Variants in CAVIN1 observed in about 807,000 individuals in gnomAD.
The protein encoded by CAVIN1 is caveolae-associated protein 1.
Under a neutral mutation model 24.0 loss-of-function variants are expected in CAVIN1, and 16 were observed. That is an observed-to-expected ratio of 0.67 (90% CI 0.45 to 1.01). The LOEUF is 1.01. CAVIN1 is among the 50% of genes least tolerant of loss of function. The pLI, the probability that CAVIN1 is intolerant of heterozygous loss-of-function variation, is 0.00. For missense variants in CAVIN1, 510 were observed against 551.7 expected (o/e 0.92, Z 0.76); for synonymous variants, 256 against 256.4 (o/e 1.00, Z 0.02).
At chr17:42,407,026 G>A (rs988599521) in intron 1 of CAVIN1, among the ~76,000 whole-genome samples, 1 of 152,050 alleles carries the variant, frequency 6.6e-6, no homozygotes, top group Admixed American at 6.6e-5. Context: ...CTGGAGCTCA[G>A]AACCAGTTCT....
intron 1 of CAVIN1, 132 bp downstream of exon 1, chr17:42,422,495 T>C: frequency 1.5e-5 from 2 of 131,372 alleles, no homozygotes; most frequent in Admixed American, 1.3e-4. Flanking sequence ...GGAAGGAGGG[T>C]GGATCTGCCG....
At chr17:42,414,677 G>A (rs1281354815) in intron 1 of CAVIN1, among the ~76,000 whole-genome samples, 2 of 152,236 alleles carry the variant, frequency 1.3e-5, no homozygotes, top group South Asian at 4.1e-4. Flanking sequence ...GATGCCAGGC[G>A]AGAGGGACAC....
At chr17:42,414,939 C>A (rs2085503013) in intron 1 of CAVIN1, among the ~76,000 whole-genome samples, 1 of 126,754 alleles carries the variant, frequency 7.9e-6, no homozygotes, top group Non-Finnish European at 1.7e-5. Context: ...CCCCTCCTTT[C>A]CCCCACTTTT....
chr17:42,413,541 A>G (rs1005615808), intron 1 of CAVIN1, among the ~76,000 whole-genome samples: 8 of 137,190 alleles, frequency 5.8e-5, no homozygotes, highest in African/African-American at 2.2e-4. Flanking sequence ...CCTGGGCGAC[A>G]GAGCAAAAGT....
rs375343738 is a variant in CAVIN1 at position 42,409,714 on chromosome 17, C to T, written c.472-4326G>A. 3.7e-4 allele frequency among the ~76,000 whole-genome samples: 56 copies of T among 152,170 alleles called. 1 individual carries two copies. The highest frequency in any genetic ancestry group is 1.3e-3 in the African/African-American group (53 of 41,520). On this transcript the variant is annotated intron_variant, in intron 1 of 1. Transcript: ENST00000357037. ...CATCTGCTTGCTGGTACAACCACCA[C>T]AAACACAATCCAAAATCATCTCCCT...
At chr17:42,408,771 C>G (rs7502611) in intron 1 of CAVIN1, among the ~76,000 whole-genome samples, 124,310 of 146,886 alleles carry the variant, frequency 0.85, 53,505 homozygotes, top group East Asian at 0.99. Flanking sequence ...GATTACAAGC[C>G]TAAGCCACCG....
In CAVIN1 at chr17:42,422,964, T is replaced by A. The variant is rs1172377363; in HGVS notation, c.134A>T (p.Lys45Met). 3.1e-6 allele frequency: 5 copies of A among 1,613,818 alleles called. No homozygotes were observed. The highest frequency in any genetic ancestry group is 4.2e-6 in the Non-Finnish European group (5 of 1,179,994). ...CAGCACGCCGTTCACCTGGTCCGAC[T>A]TGATCAGCTCTTCTGAGCCGGCCCC... Reference protein sequence around the residue: ...PSGAGSEELIKSDQVNGVLVL... With the variant: ...PSGAGSEELIMSDQVNGVLVL... Residue 45 changes from lysine to methionine, a missense_variant, in exon 1 of 2, where the codon AAG becomes ATG. Physicochemically the swap from Lys to Met is moderately conservative, Grantham distance 95. Coordinates refer to ENST00000357037, the MANE Select transcript of CAVIN1 (RefSeq NM_012232.6).
intron 1 of CAVIN1, chr17:42,411,375 C>CCAACCCCAT: frequency 1.1e-6 from 1 of 938,598 alleles, no homozygotes. Flanking sequence ...GCAACACAGT[C>CCAACCCCAT]CAACCCCATC....
At position 42,422,653 on chromosome 17, in the gene CAVIN1, G is replaced by C. The variant is rs2085559612; in HGVS notation, c.445C>G (p.Arg149Gly). Residue 149 changes from arginine to glycine, a missense_variant, in exon 1 of 2, where the codon CGC becomes GGC. Arg to Gly is a moderately radical substitution (Grantham distance 125). Coordinates refer to ENST00000357037, the MANE Select transcript of CAVIN1 (RefSeq NM_012232.6). ...EVNEAELLRR[R>G]NFKVMIYQDE... The stretch of plus-strand genomic sequence containing the variant: ...TGGTAGATCATGACTTTAAAGTTGC[G>C]GCGCCGCAGCAGCTCGGCCTCGTTG... 2 of 1,593,262 alleles carry C rather than the reference G, an allele frequency of 1.3e-6. No individual in the cohort carries two copies. Among genetic ancestry groups the C allele is most frequent in the Non-Finnish European group, 1.7e-6 (2 of 1,170,356 alleles).
At chr17:42,412,682 A>T (rs965471018) in intron 1 of CAVIN1, among the ~76,000 whole-genome samples, 1 of 151,580 alleles carries the variant, frequency 6.6e-6, no homozygotes, top group African/African-American at 2.4e-5. Context: ...CAGTGGCACG[A>T]TCTTGGCTCA....
intron 1 of CAVIN1, among the ~76,000 whole-genome samples, chr17:42,412,560 A>ATTTTTTTT (rs60982549): frequency 4.5e-4 from 56 of 125,716 alleles, no homozygotes; most frequent in African/African-American, 1.6e-3. Flanking sequence ...AACCCGGCTA[A>ATTTTTTTT]TTTTTTTTTT....
chr17:42,404,698 C>G lies in CAVIN1; in HGVS notation c.1162G>C (p.Asp388His). ...ESDAVLVDKS[D>H]SD is the part of the protein sequence containing the mutation. ...GCAGCGGGGGCGGCTCAGTCGCTGT[C>G]GCTCTTGTCCACCAGCACGGCGTCC... is the stretch of plus-strand genomic sequence containing the variant. Residue 388 changes from aspartate to histidine, a missense_variant, in exon 2 of 2, where the codon GAC becomes CAC. Physicochemically the swap from Asp to His is moderately conservative, Grantham distance 81. Coordinates refer to ENST00000357037, the MANE Select transcript of CAVIN1 (RefSeq NM_012232.6). 1.4e-6 allele frequency: 2 copies of G among 1,471,576 alleles called. No individual in the cohort carries two copies. Among genetic ancestry groups the G allele is most frequent in the Admixed American group, 2.7e-5 (1 of 37,272 alleles). The allele number at this position is 1,471,576 out of a possible 1,614,324, so 91.2% of individuals were successfully genotyped here. A position where few individuals can be genotyped will look rare whatever the true frequency, so the allele number is the denominator to read the frequency against.
Position 42,404,384 on chromosome 17 carries a change from G to A in CAVIN1, c.*303C>T, listed in dbSNP as rs1479382995. On this transcript the variant is annotated 3_prime_UTR_variant, in exon 2 of 2. Coordinates refer to ENST00000357037, the MANE Select transcript of CAVIN1 (RefSeq NM_012232.6). ...GGCTGAGGGGAAGGCAGCCCCCCCAGGGGGGCCTAACCGTGGAATCACTGC... is the reference window on the plus strand; with the variant it reads ...GGCTGAGGGGAAGGCAGCCCCCCCAAGGGGGCCTAACCGTGGAATCACTGC... 1.6e-5 allele frequency: 4 copies of A among 257,098 alleles called. No individual in the cohort carries two copies. The highest frequency in any genetic ancestry group is 4.5e-5 in the African/African-American group (2 of 44,026). The allele number at this position is 257,098 out of a possible 1,614,324, so 15.9% of individuals were successfully genotyped here.
Position 42,410,892 on chromosome 17 carries a change from CAAAAAAAAAAAAAAAAAAAAAA to C in CAVIN1, c.472-5526_472-5505del, listed in dbSNP as rs774857493. 4.0e-3 allele frequency among the ~76,000 whole-genome samples: 304 copies of C among 76,398 alleles called. 9 individuals are homozygous for C. The highest frequency in any genetic ancestry group is 0.014 in the African/African-American group (259 of 18,508). 50.1% of individuals were successfully genotyped at this position (76,398 alleles called of 152,430 possible). On this transcript the variant is annotated intron_variant, in intron 1 of 1. Transcript: ENST00000357037. ...CTGGCGACGGAGTGAGACTCTGTCT[CAAAAAAAAAAAAAAAAAAAAAA>C]AAAAAAAAAAAAAAAATTGAAAGGG...
chr17:42,417,716 T>C (rs1018598761), intron 1 of CAVIN1, among the ~76,000 whole-genome samples: 1 of 152,152 alleles, frequency 6.6e-6, no homozygotes, highest in African/African-American at 2.4e-5. Context: ...TTTGAGACAG[T>C]CTTGCTCTCT....
chr17:42,417,540 A>T (rs940690881), intron 1 of CAVIN1, among the ~76,000 whole-genome samples: 1 of 152,038 alleles, frequency 6.6e-6, no homozygotes, highest in African/African-American at 2.4e-5. Flanking sequence ...TGTGTTAGTG[A>T]AATGAATTAC....
At chr17:42,411,883 T>C (rs1021772702) in intron 1 of CAVIN1, 81 of 985,414 alleles carry the variant, frequency 8.2e-5, no homozygotes, top group Non-Finnish European at 9.6e-5. Flanking sequence ...CCCATTCTCC[T>C]GAACTTTGCA....
Position 42,422,616 on chromosome 17 carries a change from T to C in CAVIN1, c.471+11A>G, listed in dbSNP as rs2145489942. 1 of 1,557,690 alleles carries C rather than the reference T, an allele frequency of 6.4e-7. No homozygotes were observed. The highest frequency in any genetic ancestry group is 1.4e-5 in the African/African-American group (1 of 73,456). On this transcript the variant is annotated intron_variant, in intron 1 of 1. Transcript: ENST00000357037. ...CGGGAGCTCTGGGCGCCTTCCGCCC[T>C]GTGGGCTCACCTGGTAGATCATGAC...
chr17:42,411,192 C>CAAAAAAAAAAAAAAAAAAAAAAAAAAAA (rs71157624), intron 1 of CAVIN1, among the ~76,000 whole-genome samples: 1 of 46,666 alleles, frequency 2.1e-5, no homozygotes, highest in African/African-American at 7.5e-5. Context: ...GACTATGTCT[C>CAAAAAAAAAAAAAAAAAAAAAAAAAAAA]AAAAAAAAAA....
Sources: allele counts gnomAD v4.1 joint callset (sites outside exome capture counted in the v4.1 genomes callset), GRCh38; gene constraint gnomAD v4.1.1; transcripts MANE v1.5; gene names NCBI Gene and HGNC (gene_info 2026-07-23, HGNC 2026-07-21).